The following ZNF492 variants were observed in gnomAD, a reference collection of about 807,000 sequenced individuals.
ZNF492 encodes the protein zinc finger protein 492.
Under a neutral mutation model 6.4 loss-of-function variants are expected in ZNF492, and 3 were observed. The ratio of observed to expected loss-of-function variants is 0.47; its 90% CI spans 0.21 to 1.22. ZNF492 has a LOEUF of 1.22. Among genes scored for constraint, ZNF492 ranks in the 50% most tolerant of loss-of-function variants. The probability of loss-of-function intolerance (pLI) is 0.22; values close to 1 mark genes in which losing one functional copy is unlikely to be tolerated. For missense variants in ZNF492, 356 were observed against 612.5 expected, an observed-to-expected ratio of 0.58 and a Z score of 4.42; for synonymous variants, 112 against 205.3, an observed-to-expected ratio of 0.55 and a Z score of 3.89.
intron 3 of ZNF492, among the ~76,000 whole-genome samples, chr19:22,656,037 C>G (rs1402078057): frequency 6.3e-5 from 9 of 143,188 alleles, no homozygotes; most frequent in African/African-American, 8.3e-5. Flanking sequence ...GTTGGCCAGG[C>G]TGGTCTTGAA....
At chr19:22,661,152 A>G (rs981415237) in intron 3 of ZNF492, among the ~76,000 whole-genome samples, 1 of 151,770 alleles carries the variant, frequency 6.6e-6, no homozygotes, top group African/African-American at 2.4e-5. Flanking sequence ...TCATTTTTAC[A>G]TCATTTTTCT....
intron 1 of ZNF492, among the ~76,000 whole-genome samples, chr19:22,645,693 T>A (rs145020444): frequency 2.0e-4 from 31 of 152,348 alleles, no homozygotes; most frequent in Non-Finnish European, 3.4e-4. Flanking sequence ...GAGTAAATTT[T>A]TGTATAAGGT....
intron 1 of ZNF492, among the ~76,000 whole-genome samples, chr19:22,648,912 T>TTG (rs1971911811): frequency 6.6e-6 from 1 of 152,006 alleles, no homozygotes; most frequent in African/African-American, 2.4e-5. Flanking sequence ...TCTTTTAATT[T>TTG]GGGCATTTAG....
chr19:22,654,366 TTTC>T (rs1971972335), intron 3 of ZNF492, among the ~76,000 whole-genome samples: 1 of 152,122 alleles, frequency 6.6e-6, no homozygotes, highest in African/African-American at 2.4e-5. Flanking sequence ...TTAAACTGTT[TTTC>T]AAGTTCTGTT....
At chr19:22,652,386 G>T in intron 1 of ZNF492, among the ~76,000 whole-genome samples, 1 of 138,444 alleles carries the variant, frequency 7.2e-6, no homozygotes, top group African/African-American at 3.0e-5. Flanking sequence ...CGCCACCTTA[G>T]GTTTTCTTTG....
At chr19:22,634,972 C>T (rs1355158601) in intron 1 of ZNF492, among the ~76,000 whole-genome samples, 1 of 152,068 alleles carries the variant, frequency 6.6e-6, no homozygotes, top group Non-Finnish European at 1.5e-5. Flanking sequence ...AGTTTGTGGT[C>T]GGTCCATGGG....
intron 1 of ZNF492, among the ~76,000 whole-genome samples, chr19:22,639,407 G>C (rs1366561334): frequency 6.6e-6 from 1 of 151,690 alleles, no homozygotes; most frequent in Non-Finnish European, 1.5e-5. Flanking sequence ...GAAGTTTTTT[G>C]TCAGTTTGAA....
rs766950844 is a variant in ZNF492, at chr19:22,636,894, A to G, written c.-94+2420A>G. Among the ~76,000 whole-genome samples the G allele has an allele frequency of 2.7e-4, 40 of 150,598 alleles. 1 individual carries two copies. The highest frequency in any genetic ancestry group is 4.7e-4 in the Non-Finnish European group (32 of 67,868). On this transcript the variant is annotated intron_variant, in intron 1 of 3. Coordinates refer to ENST00000456783, the MANE Select transcript of ZNF492 (RefSeq NM_020855.3). ...AGTGATCTGCCTGCCTCGGCCTCCC[A>G]AAGTGCTGGGATTACAGGTGTGAGC...
intron 3 of ZNF492, among the ~76,000 whole-genome samples, chr19:22,661,812 G>A (rs1362293329): frequency 6.6e-6 from 1 of 151,978 alleles, no homozygotes; most frequent in African/African-American, 2.4e-5. Context: ...CCCAGGCTTG[G>A]TCTCAAACTC....
At chr19:22,657,908 A>G (rs1351763854) in intron 3 of ZNF492, among the ~76,000 whole-genome samples, 1 of 151,972 alleles carries the variant, frequency 6.6e-6, no homozygotes, top group Non-Finnish European at 1.5e-5. Flanking sequence ...CTGATTTTTA[A>G]TGGTGGCTTT....
intron 1 of ZNF492, among the ~76,000 whole-genome samples, chr19:22,652,683 C>A (rs1181077276): frequency 6.6e-6 from 1 of 151,676 alleles, no homozygotes; most frequent in Non-Finnish European, 1.5e-5. Flanking sequence ...GGGTTCATGC[C>A]ATTCTCCTGC....
chr19:22,658,252 C>G (rs1298897735), intron 3 of ZNF492, among the ~76,000 whole-genome samples: 1 of 151,724 alleles, frequency 6.6e-6, no homozygotes, highest in Non-Finnish European at 1.5e-5. Flanking sequence ...GAAACCTCAT[C>G]TCTGTAAAGC....
intron 3 of ZNF492, among the ~76,000 whole-genome samples, chr19:22,654,934 A>G (rs34563787): frequency 1.3e-5 from 2 of 151,136 alleles, no homozygotes; most frequent in Non-Finnish European, 1.5e-5. Flanking sequence ...TAAAAAAAAA[A>G]TACTGGAATT....
chr19:22,636,103 A>AT (rs11460492), intron 1 of ZNF492, among the ~76,000 whole-genome samples: 39,624 of 146,524 alleles, frequency 0.27, 5,262 homozygotes, highest in East Asian at 0.35. Context: ...TTACTTAAAT[A>AT]TTTTTTTTTT....
At chr19:22,655,359 CA>C (rs1971983872) in intron 3 of ZNF492, among the ~76,000 whole-genome samples, 1 of 143,166 alleles carries the variant, frequency 7.0e-6, no homozygotes, top group African/African-American at 2.8e-5. Context: ...TTGTCTTCTC[CA>C]ATTTTTTTTT....
intron 3 of ZNF492, among the ~76,000 whole-genome samples, chr19:22,663,047 C>CTA: frequency 6.6e-6 from 1 of 152,224 alleles, no homozygotes; most frequent in East Asian, 1.9e-4. Context: ...AGGTTTTCCT[C>CTA]TAGGGTTTTT....
At position 22,666,831 on chromosome 19, in the gene ZNF492, T is replaced by A. The variant is rs1192640500; in HGVS notation, c.*1566T>A. The A allele has an allele frequency of 2.0e-5, 3 of 152,216 alleles. No individual in the cohort carries two copies. The highest frequency in any genetic ancestry group is 2.9e-5 in the Non-Finnish European group (2 of 68,040). The allele number at this position is 152,216 out of a possible 1,614,324, so 9.4% of individuals were successfully genotyped here. On this transcript the variant is annotated 3_prime_UTR_variant, in exon 4 of 4. Transcript: ENST00000456783. ...ATTTTAGATTATGTGTGAACTTAAT[T>A]TCTTAATTCAACATTTTTAACAGTT... is the stretch of plus-strand genomic sequence containing the variant.
chr19:22,655,839 T>G (rs912682602), intron 3 of ZNF492, among the ~76,000 whole-genome samples: 2 of 144,038 alleles, frequency 1.4e-5, no homozygotes, highest in African/African-American at 5.2e-5. Context: ...TTTTTTTTTT[T>G]TTTGAGACAG....
At chr19:22,657,608 T>C (rs1380050712) in intron 3 of ZNF492, among the ~76,000 whole-genome samples, 1 of 152,004 alleles carries the variant, frequency 6.6e-6, no homozygotes, top group African/African-American at 2.4e-5. Flanking sequence ...TCTTTGTTAA[T>C]GCTACATCAA....
Sources: gnomAD v4.1 joint callset for allele counts (sites outside exome capture counted in the v4.1 genomes callset) on GRCh38, gnomAD v4.1.1 for gene constraint, MANE v1.5 for transcripts, NCBI Gene and HGNC (gene_info 2026-07-23, HGNC 2026-07-21) for gene names.